The following PDZD2 variants were observed in gnomAD, a reference collection of about 807,000 sequenced individuals.
PDZD2 encodes the protein PDZ domain-containing protein 2.
PDZD2 carries 90 observed loss-of-function variants against 220.7 expected under a neutral mutation model. The ratio of observed to expected loss-of-function variants is 0.41; its 90% CI spans 0.34 to 0.49. The LOEUF (loss-of-function observed/expected upper bound fraction) is 0.49, where lower values mean the gene tolerates loss of function less well. Ranked by LOEUF, PDZD2 falls within the 20% of genes least tolerant of loss-of-function variation. The pLI, the probability that PDZD2 is intolerant of heterozygous loss-of-function variation, is 0.28. For missense variants in PDZD2, 3,174 were observed against 3,608.5 expected, an observed-to-expected ratio of 0.88 and a Z score of 3.08; for synonymous variants, 1,375 against 1,450.5, an observed-to-expected ratio of 0.95 and a Z score of 1.18.
intron 12 of PDZD2, 51 bp from the exon 13 acceptor site, chr5:32,059,188 A>G (rs767165871): frequency 1.7e-5 from 16 of 928,740 alleles, no homozygotes; most frequent in Admixed American, 7.5e-5. Context: ...CATTTTTTCT[A>G]GTGATTGTGT....
At chr5:32,091,806 G>A (rs1743184497) in intron 20 of PDZD2, among the ~76,000 whole-genome samples, 1 of 152,142 alleles carries the variant, frequency 6.6e-6, no homozygotes, top group Admixed American at 6.5e-5. Context: ...AAAAGTGCCT[G>A]CAGGGAAACA....
intron 2 of PDZD2, among the ~76,000 whole-genome samples, chr5:31,886,633 C>CCAGTGACTGTTACAGGCCTGTTG (rs1554089411): frequency 5.3e-5 from 8 of 151,170 alleles, no homozygotes; most frequent in Admixed American, 2.0e-4. Context: ...ATTGGAGGAC[C>CCAGTGACTGTTACAGGCCTGTTG]CAGTGACTGT....
chr5:31,956,486 G>A (rs1371426413), intron 2 of PDZD2, among the ~76,000 whole-genome samples: 5 of 148,548 alleles, frequency 3.4e-5, no homozygotes, highest in Non-Finnish European at 7.4e-5. Context: ...GACAGAGCTT[G>A]CAGCGAGCCG....
At chr5:31,744,934 G>A (rs1037346610) in intron 1 of PDZD2, among the ~76,000 whole-genome samples, 3 of 151,992 alleles carry the variant, frequency 2.0e-5, no homozygotes, top group East Asian at 1.9e-4. Flanking sequence ...TTAGCCGGGC[G>A]TGGTGGTGGG....
intron 10 of PDZD2, among the ~76,000 whole-genome samples, chr5:32,055,837 G>C (rs909509066): frequency 6.6e-6 from 1 of 152,170 alleles, no homozygotes; most frequent in African/African-American, 2.4e-5. Flanking sequence ...GGTGGTGTTT[G>C]TGTTGAGTTT....
Position 31,693,240 on chromosome 5 carries a change from C to CTTTTT in PDZD2, c.-361+53818_-361+53822dup, listed in dbSNP as rs10650316. ...GGGGCAGGAGGATAGTGGGAAAGCACTTTTTTTTTTTTTTTTTTTGAGACG... is the reference window on the plus strand; with the variant it reads ...GGGGCAGGAGGATAGTGGGAAAGCACTTTTTTTTTTTTTTTTTTTTTTTTGAGACG... On this transcript the variant is annotated intron_variant, in intron 1 of 24. Transcript: ENST00000438447. 2.1e-3 allele frequency among the ~76,000 whole-genome samples: 182 copies of CTTTTT among 87,736 alleles called. 12 individuals carry two copies. In the East Asian group the frequency reaches 0.024, roughly 12 times the overall value. The allele number at this position is 87,736 out of a possible 152,430, so 57.6% of individuals were successfully genotyped here.
chr5:31,755,631 T>G (rs1388050929), intron 1 of PDZD2, among the ~76,000 whole-genome samples: 16 of 134,692 alleles, frequency 1.2e-4, no homozygotes, highest in Non-Finnish European at 2.3e-4. Flanking sequence ...TTTTTTTTTT[T>G]GCAGCTTTTG....
chr5:31,753,790 CCCTG>C (rs2150180289), intron 1 of PDZD2, among the ~76,000 whole-genome samples: 1 of 152,264 alleles, frequency 6.6e-6, no homozygotes, highest in South Asian at 2.1e-4. Flanking sequence ...ACTGGGAAAG[CCCTG>C]TTACCAGTTT....
intron 7 of PDZD2, among the ~76,000 whole-genome samples, chr5:32,045,961 T>C (rs1023278566): frequency 1.3e-5 from 2 of 152,316 alleles, no homozygotes; most frequent in Admixed American, 1.3e-4. Flanking sequence ...GAGTAATATT[T>C]AGGTAAATTG....
intron 2 of PDZD2, among the ~76,000 whole-genome samples, chr5:31,960,549 A>C (rs1029279308): frequency 6.6e-6 from 1 of 152,114 alleles, no homozygotes; most frequent in Non-Finnish European, 1.5e-5. Context: ...AGTTGGAGGC[A>C]GAGTTAGAAT....
chr5:32,082,660 A>T (rs1742082404), intron 19 of PDZD2, among the ~76,000 whole-genome samples: 1 of 152,196 alleles, frequency 6.6e-6, no homozygotes, highest in Non-Finnish European at 1.5e-5. Context: ...TAAGAGAAAC[A>T]TATATGTGTG....
intron 6 of PDZD2, among the ~76,000 whole-genome samples, chr5:32,031,170 C>T (rs1451147168): frequency 2.0e-5 from 3 of 152,162 alleles, no homozygotes; most frequent in Non-Finnish European, 2.9e-5. Flanking sequence ...TTAGGAATAA[C>T]GTAGCATCTC....
intron 2 of PDZD2, among the ~76,000 whole-genome samples, chr5:31,837,724 C>CA (rs201676836): frequency 0.26 from 38,218 of 148,192 alleles, 5,020 homozygotes; most frequent in Middle Eastern, 0.3. Context: ...GACTCCATCT[C>CA]AAAAAAATAA....
At chr5:32,065,976 A>T (rs1216196063) in intron 14 of PDZD2, among the ~76,000 whole-genome samples, 1 of 151,936 alleles carries the variant, frequency 6.6e-6, no homozygotes, top group African/African-American at 2.4e-5. Context: ...GTGAGCCGAG[A>T]TCGCACCATC....
intron 2 of PDZD2, among the ~76,000 whole-genome samples, chr5:31,907,772 A>G (rs555585924): frequency 6.6e-5 from 10 of 152,138 alleles, no homozygotes; most frequent in Non-Finnish European, 1.5e-4. Flanking sequence ...GGATCTCCCA[A>G]TTAAATGAAG....
At chr5:31,921,620 G>A (rs1452210865) in intron 2 of PDZD2, among the ~76,000 whole-genome samples, 1 of 152,134 alleles carries the variant, frequency 6.6e-6, no homozygotes, top group Non-Finnish European at 1.5e-5. Flanking sequence ...AGCTTGTGAG[G>A]CAGAAGTTGC....
intron 14 of PDZD2, among the ~76,000 whole-genome samples, chr5:32,068,005 GA>G (rs1481178420): frequency 2.0e-4 from 31 of 152,220 alleles, no homozygotes; most frequent in Non-Finnish European, 3.7e-4. Context: ...ATTAATGACT[GA>G]AAAAAATTCC....
chr5:31,679,045 C>A (rs572281626), intron 1 of PDZD2, among the ~76,000 whole-genome samples: 1 of 152,138 alleles, frequency 6.6e-6, no homozygotes, highest in African/African-American at 2.4e-5. Context: ...TTTTCCCTGC[C>A]GGACTATTTG....
chr5:31,863,234 C>T (rs1022491415), intron 2 of PDZD2, among the ~76,000 whole-genome samples: 12 of 152,194 alleles, frequency 7.9e-5, no homozygotes, highest in African/African-American at 2.4e-4. Context: ...TTCTTGACCC[C>T]TAACCTTCTC....
Sources: allele counts gnomAD v4.1 joint callset (sites outside exome capture counted in the v4.1 genomes callset), GRCh38; gene constraint gnomAD v4.1.1; transcripts MANE v1.5; gene names NCBI Gene and HGNC (gene_info 2026-07-23, HGNC 2026-07-21).